NHERF1: variants seen among roughly 807,000 people sequenced by gnomAD.
The protein encoded by NHERF1 is NHERF family PDZ scaffold protein 1, also known as Na(+)/H(+) exchange regulatory cofactor NHE-RF1.
the NHERF1 span, among the ~76,000 whole-genome samples, chr17:74,763,779 CT>C: frequency 2.6e-5 from 4 of 152,178 alleles, no homozygotes; most frequent in Admixed American, 1.3e-4. Context: ...ATGGACAGAT[CT>C]TCTTATTCCC....
chr17:74,763,879 G>T, the NHERF1 span, among the ~76,000 whole-genome samples: 32 of 152,362 alleles, frequency 2.1e-4, no homozygotes, highest in Admixed American at 6.5e-4. Flanking sequence ...TGAGGAAAGG[G>T]TTAACTCCGG....
At chr17:74,763,236 A>G in the NHERF1 span, 1 of 763,248 alleles carries the variant, frequency 1.3e-6, no homozygotes, top group South Asian at 1.8e-5. Context: ...GGCGGGGGTC[A>G]GTATCCCCAG....
At chr17:74,762,348 A>G in the NHERF1 span, among the ~76,000 whole-genome samples, 296 of 152,138 alleles carry the variant, frequency 1.9e-3, 1 homozygote, top group African/African-American at 6.6e-3. This position sits in a 1 kb window ranked among gnomAD's most constrained non-coding sequence, Gnocchi z 4.2. Flanking sequence ...GGATGGATAG[A>G]CGGAAGGACA....
chr17:74,763,597 C>G, the NHERF1 span: 1 of 1,467,130 alleles, frequency 6.8e-7, no homozygotes, highest in South Asian at 1.2e-5. Context: ...GCTAAGACTG[C>G]TGGGTCCCAG....
At chr17:74,768,829 A>T in the NHERF1 span, 1 of 631,314 alleles carries the variant, frequency 1.6e-6, no homozygotes, top group African/African-American at 1.8e-5. Flanking sequence ...GGGAAGGTGA[A>T]TGTGTTCCCG....
the NHERF1 span, chr17:74,767,083 C>G: frequency 1.0e-6 from 1 of 969,468 alleles, no homozygotes; most frequent in Non-Finnish European, 1.7e-6. Flanking sequence ...GGCCAAAACC[C>G]CAGGGTCCCC....
At chr17:74,763,641 C>A in the NHERF1 span, 1 of 964,572 alleles carries the variant, frequency 1.0e-6, no homozygotes, top group Non-Finnish European at 1.6e-6. Flanking sequence ...CATGGGTGCT[C>A]CCTCCTCCTC....
chr17:74,764,091 C>T, the NHERF1 span, among the ~76,000 whole-genome samples: 1 of 152,246 alleles, frequency 6.6e-6, no homozygotes, highest in African/African-American at 2.4e-5. The surrounding 1 kb of genome is among the most constrained non-coding windows in gnomAD (Gnocchi z 4.9). Flanking sequence ...TGCCCAGGCC[C>T]GAGCCAAACA....
At chr17:74,749,685 G>A in the NHERF1 span, among the ~76,000 whole-genome samples, 37 of 152,266 alleles carry the variant, frequency 2.4e-4, no homozygotes, top group Admixed American at 1.9e-3. This position sits in a 1 kb window ranked among gnomAD's most constrained non-coding sequence, Gnocchi z 5.6. Flanking sequence ...CAGATGGGCC[G>A]GGGAGAAAGG....
At chr17:74,748,921 C>A in the NHERF1 span, 1 of 1,602,406 alleles carries the variant, frequency 6.2e-7, no homozygotes. The surrounding 1 kb of genome is among the most constrained non-coding windows in gnomAD (Gnocchi z 4.3). Context: ...ACGGCTACGG[C>A]TTCCACCTGC....
chr17:74,752,996 G>A, the NHERF1 span, among the ~76,000 whole-genome samples: 2 of 152,228 alleles, frequency 1.3e-5, no homozygotes, highest in African/African-American at 2.4e-5. Flanking sequence ...ATCCCGCCCC[G>A]CCCAGAGATT....
At chr17:74,749,086 C>T in the NHERF1 span, 3 of 1,589,100 alleles carry the variant, frequency 1.9e-6, no homozygotes, top group Middle Eastern at 1.7e-4. The surrounding 1 kb of genome is among the most constrained non-coding windows in gnomAD (Gnocchi z 5.6). Flanking sequence ...GCCGCATCCG[C>T]GCCGCACTCA....
chr17:74,748,662 C>T, the NHERF1 span: 37 of 584,528 alleles, frequency 6.3e-5, no homozygotes, highest in East Asian at 9.1e-4. This position sits in a 1 kb window ranked among gnomAD's most constrained non-coding sequence, Gnocchi z 4.3. Context: ...GTCTGTGGTC[C>T]TCTCTCGGCT....
the NHERF1 span, chr17:74,768,661 C>T: frequency 6.2e-7 from 1 of 1,612,742 alleles, no homozygotes; most frequent in Non-Finnish European, 8.5e-7. Context: ...CTCTGAGCGC[C>T]CTGCTGCCAC....
At chr17:74,762,312 AT>A in the NHERF1 span, 1 of 452,158 alleles carries the variant, frequency 2.2e-6, no homozygotes, top group East Asian at 6.9e-5. This position sits in a 1 kb window ranked among gnomAD's most constrained non-coding sequence, Gnocchi z 4.2. Flanking sequence ...GGATGGGTGG[AT>A]GGGAGGGAGG....
At chr17:74,768,451 C>A in the NHERF1 span, 1 of 1,613,882 alleles carries the variant, frequency 6.2e-7, no homozygotes, top group South Asian at 1.1e-5. Flanking sequence ...ACTTCCTGCC[C>A]CCACTTCTCT....
the NHERF1 span, chr17:74,763,485 A>G: frequency 7.5e-6 from 12 of 1,608,794 alleles, no homozygotes; most frequent in South Asian, 1.1e-5. Flanking sequence ...TTCTTCAAGA[A>G]ATGCAGAGTG....
At chr17:74,767,600 C>G in the NHERF1 span, among the ~76,000 whole-genome samples, 1 of 152,232 alleles carries the variant, frequency 6.6e-6, no homozygotes, top group Admixed American at 6.5e-5. Flanking sequence ...GGGGAGGGCC[C>G]TTGGACCCAG....
At chr17:74,768,178 C>T in the NHERF1 span, 1 of 1,613,462 alleles carries the variant, frequency 6.2e-7, no homozygotes, top group East Asian at 2.2e-5. Flanking sequence ...GCAGAGGCAG[C>T]CTTGGAGAGC....
Sources: allele counts gnomAD v4.1 joint callset (sites outside exome capture counted in the v4.1 genomes callset), GRCh38; gene constraint gnomAD v4.1.1; non-coding constraint Gnocchi (gnomAD v3.1); transcripts MANE v1.5; gene names NCBI Gene and HGNC (gene_info 2026-07-23, HGNC 2026-07-21).